The following FNDC3A variants were observed in gnomAD, a reference collection of about 807,000 sequenced individuals.
FNDC3A encodes the protein fibronectin type-III domain-containing protein 3A.
In FNDC3A, 32 loss-of-function variants were observed where a neutral mutation model predicts 148.9. The observed-to-expected ratio is 0.21, with a 90% confidence interval of 0.16 to 0.29. The LOEUF (loss-of-function observed/expected upper bound fraction) is 0.29. FNDC3A is among the 10% of genes least tolerant of loss of function. The pLI is 1.00. For synonymous variants in FNDC3A, 472 were observed against 473.6 expected (o/e 1.00, Z 0.04); for missense variants, 1,191 against 1,452.8 (o/e 0.82, Z 2.93).
chr13:48,989,230 T>C (rs917448589), intron 1 of FNDC3A, among the ~76,000 whole-genome samples: 3 of 152,188 alleles, frequency 2.0e-5, no homozygotes, highest in Non-Finnish European at 2.9e-5. Flanking sequence ...CCACATGTTA[T>C]AACAAATCTC....
chr13:48,992,675 T>C (rs1391348192), intron 1 of FNDC3A, among the ~76,000 whole-genome samples: 5 of 152,168 alleles, frequency 3.3e-5, no homozygotes, highest in Admixed American at 6.5e-5. Context: ...ATTTATCAAA[T>C]TGTACACTTT....
intron 2 of FNDC3A, among the ~76,000 whole-genome samples, chr13:49,024,554 G>A (rs565130586): frequency 6.6e-6 from 1 of 152,012 alleles, no homozygotes; most frequent in South Asian, 2.1e-4. Context: ...ATTTATCACA[G>A]GAATGTAAGA....
chr13:48,990,595 A>AAG (rs1951896802), intron 1 of FNDC3A, among the ~76,000 whole-genome samples: 2 of 148,752 alleles, frequency 1.3e-5, no homozygotes, highest in Non-Finnish European at 3.0e-5. Flanking sequence ...CTCCAAAAAA[A>AAG]AAAAAAAAAA....
chr13:49,061,939 A>G (rs1215136132), intron 2 of FNDC3A, among the ~76,000 whole-genome samples: 2 of 148,974 alleles, frequency 1.3e-5, no homozygotes, highest in African/African-American at 5.0e-5. Flanking sequence ...TTCTTGGAGA[A>G]GAATGGTGAC....
At chr13:49,199,166 G>A (rs889447050) in intron 23 of FNDC3A, among the ~76,000 whole-genome samples, 5 of 151,874 alleles carry the variant, frequency 3.3e-5, no homozygotes, top group Non-Finnish European at 5.9e-5. Context: ...GACCACAGGC[G>A]TGGGCCACTA....
rs534815472 is a variant in FNDC3A at position 49,080,157 on chromosome 13, A to G, written c.175+4793A>G. ...TTAATGAAAAGAATTAAAAATATCT[A>G]CATTGTTCTTTTGATTTGATCATTT... is the stretch of plus-strand genomic sequence containing the variant. On this transcript the variant is annotated intron_variant, in intron 3 of 25. Coordinates refer to ENST00000492622, the MANE Select transcript of FNDC3A (RefSeq NM_001079673.2). Among the ~76,000 whole-genome samples the G allele has an allele frequency of 2.0e-5, 3 of 152,334 alleles. No individual in the cohort carries two copies. The South Asian group carries it at 6.2e-4, about 32-fold the overall frequency.
chr13:49,082,882 G>A (rs1878570609), intron 3 of FNDC3A, among the ~76,000 whole-genome samples: 1 of 152,112 alleles, frequency 6.6e-6, no homozygotes, highest in Non-Finnish European at 1.5e-5. Context: ...AGTCACTGAC[G>A]CAATGCAATG....
intron 2 of FNDC3A, among the ~76,000 whole-genome samples, chr13:49,042,640 T>C (rs1875026647): frequency 6.6e-6 from 1 of 152,056 alleles, no homozygotes; most frequent in Non-Finnish European, 1.5e-5. Context: ...GGTATGGTGC[T>C]GCATGCCTGT....
intron 3 of FNDC3A, among the ~76,000 whole-genome samples, chr13:49,097,803 A>T (rs1478157449): frequency 6.6e-6 from 1 of 152,108 alleles, no homozygotes; most frequent in East Asian, 1.9e-4. Context: ...CCATTAAAAA[A>T]TTGATATTTT....
chr13:49,181,932 A>T (rs1438196860), intron 14 of FNDC3A, among the ~76,000 whole-genome samples: 1 of 152,168 alleles, frequency 6.6e-6, no homozygotes, highest in African/African-American at 2.4e-5. Context: ...ACAAGATAAG[A>T]ACAGTGAAAA....
intron 2 of FNDC3A, among the ~76,000 whole-genome samples, chr13:49,041,173 G>A (rs570166075): frequency 6.6e-6 from 1 of 152,172 alleles, no homozygotes; most frequent in Non-Finnish European, 1.5e-5. Flanking sequence ...AAGTAGCCCT[G>A]GTTTAATCTG....
At chr13:49,134,888 G>A (rs1216680724) in intron 5 of FNDC3A, among the ~76,000 whole-genome samples, 14 of 106,810 alleles carry the variant, frequency 1.3e-4, no homozygotes, top group African/African-American at 4.8e-4. Flanking sequence ...TCGCTCTGTC[G>A]CCCAGGCTGG....
chr13:49,138,243 C>T (rs575388073), intron 6 of FNDC3A, among the ~76,000 whole-genome samples: 1 of 152,104 alleles, frequency 6.6e-6, no homozygotes, highest in Non-Finnish European at 1.5e-5. Flanking sequence ...GAGACCTGAT[C>T]ATCGTTTTCA....
intron 5 of FNDC3A, 57 bp from the exon 6 acceptor site, chr13:49,136,275 C>G: frequency 7.1e-7 from 1 of 1,412,010 alleles, no homozygotes; most frequent in Non-Finnish European, 9.7e-7. Flanking sequence ...TTTTTCATGG[C>G]ATAAACTTAT....
chr13:49,121,656 T>C (rs1020388846), intron 4 of FNDC3A, among the ~76,000 whole-genome samples: 1 of 151,958 alleles, frequency 6.6e-6, no homozygotes, highest in Admixed American at 6.6e-5. Context: ...TAAAAAATGA[T>C]AAAGGGGATA....
intron 3 of FNDC3A, among the ~76,000 whole-genome samples, chr13:49,079,617 G>C (rs534496018): frequency 6.6e-6 from 1 of 152,178 alleles, no homozygotes; most frequent in Non-Finnish European, 1.5e-5. Flanking sequence ...CTAAAAAGTT[G>C]TGTAAATATG....
chr13:49,206,633 T>A (rs775662985), intron 25 of FNDC3A, among the ~76,000 whole-genome samples: 54 of 152,216 alleles, frequency 3.5e-4, no homozygotes, highest in Non-Finnish European at 7.2e-4. Flanking sequence ...CCCTTATTCA[T>A]TTTCCATTTC....
At chr13:49,159,830 C>T (rs1883974067) in intron 8 of FNDC3A, among the ~76,000 whole-genome samples, 1 of 152,150 alleles carries the variant, frequency 6.6e-6, no homozygotes, top group African/African-American at 2.4e-5. Context: ...GCATGAAGGG[C>T]TGTTGAATTT....
intron 3 of FNDC3A, among the ~76,000 whole-genome samples, chr13:49,087,346 C>T (rs1003512973): frequency 6.6e-6 from 1 of 152,050 alleles, no homozygotes; most frequent in African/African-American, 2.4e-5. Flanking sequence ...CTTTTGATAT[C>T]GTTTAGTGAC....
Sources: gnomAD v4.1 joint callset for allele counts (sites outside exome capture counted in the v4.1 genomes callset) on GRCh38, gnomAD v4.1.1 for gene constraint, MANE v1.5 for transcripts, NCBI Gene and HGNC (gene_info 2026-07-23, HGNC 2026-07-21) for gene names.